Variants in HOMER2 observed in about 807,000 individuals in gnomAD.
HOMER2 encodes homer protein homolog 2.
Under a neutral mutation model 47.0 loss-of-function variants are expected in HOMER2, and 27 were observed. The ratio of observed to expected loss-of-function variants is 0.57; its 90% confidence interval spans 0.42 to 0.79. HOMER2 has a LOEUF of 0.79. Among genes scored for constraint, HOMER2 ranks in the 30% least tolerant of loss-of-function variants. The probability of loss-of-function intolerance (pLI) is 0.00; values close to 1 mark genes in which losing one functional copy is unlikely to be tolerated. For missense variants in HOMER2, 443 were observed against 435.0 expected, an observed-to-expected ratio of 1.02 and a Z score of -0.16; for synonymous variants, 161 against 163.8, an observed-to-expected ratio of 0.98 and a Z score of 0.13.
intron 3 of HOMER2, 76 bp downstream of exon 3, chr15:82,875,197 A>G: frequency 6.6e-7 from 1 of 1,518,078 alleles, no homozygotes; most frequent in South Asian, 1.2e-5. Context: ...CCAAGGGCAC[A>G]TCCCTCGGCG....
intron 1 of HOMER2, among the ~76,000 whole-genome samples, chr15:82,962,198 G>A (rs1253664310): frequency 3.3e-5 from 5 of 151,614 alleles, no homozygotes; most frequent in South Asian, 4.2e-4. Context: ...GTGAAACCCC[G>A]TCTCTACTAA....
intron 1 of HOMER2, among the ~76,000 whole-genome samples, chr15:82,943,056 C>T (rs938113828): frequency 7.2e-5 from 11 of 152,270 alleles, no homozygotes; most frequent in Non-Finnish European, 1.0e-4. Flanking sequence ...TAACTCCAGA[C>T]GGTGCCCAAA....
At chr15:82,876,773 T>C (rs527787526) in intron 2 of HOMER2, among the ~76,000 whole-genome samples, 2 of 152,326 alleles carry the variant, frequency 1.3e-5, no homozygotes, top group African/African-American at 4.8e-5. Flanking sequence ...ACAAAAAAAG[T>C]TTGAATGGCA....
In HOMER2 at chr15:82,854,636, G is replaced by A. The variant is rs771611964; in HGVS notation, c.651+8C>T. 1.4e-5 allele frequency: 23 copies of A among 1,609,782 alleles called. No homozygotes were observed. Among genetic ancestry groups the A allele is most frequent in the East Asian group, 2.2e-5 (1 of 44,814 alleles). On this transcript the variant is annotated splice_region_variant and intron_variant, in intron 6 of 8. Transcript: ENST00000450735. ...GGCCTCGGGGCTCACTGCATCCACC[G>A]TACCCACCTTGTTGCGGAGCCGGTC... is the stretch of plus-strand genomic sequence containing the variant.
intron 2 of HOMER2, among the ~76,000 whole-genome samples, chr15:82,888,601 G>A (rs1348911289): frequency 2.3e-5 from 1 of 44,008 alleles, no homozygotes; most frequent in Non-Finnish European, 3.8e-5. Flanking sequence ...CTCGTGGTGC[G>A]CCGTTTCTTA....
intron 1 of HOMER2, among the ~76,000 whole-genome samples, chr15:82,961,597 T>C (rs996924374): frequency 2.0e-5 from 3 of 152,180 alleles, no homozygotes; most frequent in Non-Finnish European, 2.9e-5. Context: ...TTCTTGGATA[T>C]ACTGTCTCCT....
chr15:82,908,738 C>CT (rs139147445), intron 1 of HOMER2, among the ~76,000 whole-genome samples: 89 of 134,434 alleles, frequency 6.6e-4, no homozygotes, highest in South Asian at 1.1e-3. Flanking sequence ...AGCTGTTTTG[C>CT]TTTTTTTTTA....
At chr15:82,909,419 T>C (rs1235718245) in intron 1 of HOMER2, among the ~76,000 whole-genome samples, 1 of 152,110 alleles carries the variant, frequency 6.6e-6, no homozygotes, top group African/African-American at 2.4e-5. Flanking sequence ...CTAATTCTGA[T>C]TGGCTATTTT....
chr15:82,854,911 G>A (rs1054956679), intron 5 of HOMER2, 111 bp from the exon 6 acceptor site: 53 of 1,272,524 alleles, frequency 4.2e-5, no homozygotes, highest in Non-Finnish European at 5.5e-5. Flanking sequence ...GGGGGCCCAC[G>A]CCCTCTCCCC....
At chr15:82,963,639 A>G (rs1480875361) in intron 1 of HOMER2, among the ~76,000 whole-genome samples, 1 of 152,224 alleles carries the variant, frequency 6.6e-6, no homozygotes, top group African/African-American at 2.4e-5. Flanking sequence ...TTTAATAAGC[A>G]CCTGGAGTGA....
At chr15:82,876,254 G>A (rs1195157607) in intron 2 of HOMER2, among the ~76,000 whole-genome samples, 1 of 152,248 alleles carries the variant, frequency 6.6e-6, no homozygotes, top group East Asian at 1.9e-4. Context: ...TCAGGGACCA[G>A]AGCAGTGTCA....
exon 2 of HOMER2, chr15:82,837,702 G>A (rs2151580556): frequency 6.6e-6 from 1 of 152,250 alleles, no homozygotes; most frequent in South Asian, 2.1e-4. Flanking sequence ...TGAGAGCTCT[G>A]CCTTGTGGGG....
At position 82,849,439 on chromosome 15, in the gene HOMER2, T is replaced by C. The variant is rs912691024; in HGVS notation, c.*276A>G. 7.0e-6 allele frequency: 3 copies of C among 428,022 alleles called. No homozygotes were observed. Among genetic ancestry groups the C allele is most frequent in the Non-Finnish European group, 8.3e-6 (2 of 240,524 alleles). 26.5% of individuals were successfully genotyped at this position (428,022 alleles called of 1,614,324 possible). A position where few individuals can be genotyped will look rare whatever the true frequency, so the allele number is the denominator to read the frequency against. ...GTTGCAACAGCCCTTATGAAAGATATAAACATCCCTGCCCTGACTGCATAA... is the reference window on the plus strand; with the variant it reads ...GTTGCAACAGCCCTTATGAAAGATACAAACATCCCTGCCCTGACTGCATAA... On this transcript the variant is annotated 3_prime_UTR_variant, in exon 9 of 9. Coordinates refer to ENST00000450735, the MANE Select transcript of HOMER2 (RefSeq NM_004839.4).
At chr15:82,910,732 A>G (rs1567048615) in intron 1 of HOMER2, among the ~76,000 whole-genome samples, 4 of 152,130 alleles carry the variant, frequency 2.6e-5, no homozygotes, top group Admixed American at 1.3e-4. Flanking sequence ...GCTCCCTTCT[A>G]AATTCCTCAG....
At chr15:82,938,289 G>T (rs2054184817) in intron 1 of HOMER2, among the ~76,000 whole-genome samples, 1 of 152,150 alleles carries the variant, frequency 6.6e-6, no homozygotes, top group Non-Finnish European at 1.5e-5. Flanking sequence ...CAGGAGAATT[G>T]CTTGAACCCA....
intron 2 of HOMER2, among the ~76,000 whole-genome samples, chr15:82,878,602 C>G (rs1289862099): frequency 6.6e-6 from 1 of 152,198 alleles, no homozygotes; most frequent in African/African-American, 2.4e-5. Flanking sequence ...GCTTCTACTT[C>G]TGGGACTCCA....
At chr15:82,881,352 A>T (rs1176475870) in intron 2 of HOMER2, among the ~76,000 whole-genome samples, 1 of 152,172 alleles carries the variant, frequency 6.6e-6, no homozygotes, top group Non-Finnish European at 1.5e-5. Context: ...AGACAGGCCC[A>T]TCGGATTCCT....
chr15:82,858,956 G>A (rs1266337124), intron 5 of HOMER2, 73 bp downstream of exon 5: 1 of 1,517,802 alleles, frequency 6.6e-7, no homozygotes. Flanking sequence ...CTGAAACCCT[G>A]TCCAGCAAGA....
At chr15:82,894,407 A>G (rs1029246668) in intron 1 of HOMER2, among the ~76,000 whole-genome samples, 1 of 152,296 alleles carries the variant, frequency 6.6e-6, no homozygotes, top group Non-Finnish European at 1.5e-5. Flanking sequence ...ATACAAATAG[A>G]AAAAAAGCCA....
Sources: allele counts gnomAD v4.1 joint callset (sites outside exome capture counted in the v4.1 genomes callset), GRCh38; gene constraint gnomAD v4.1.1; transcripts MANE v1.5; gene names NCBI Gene and HGNC (gene_info 2026-07-23, HGNC 2026-07-21).